ALKBH8: variants seen among roughly 807,000 people sequenced by gnomAD.
ALKBH8 encodes the protein alkB homolog 8, tRNA methyltransferase, also known as tRNA (carboxymethyluridine(34)-5-O)-methyltransferase ALKBH8.
Under a neutral mutation model 59.8 loss-of-function variants are expected in ALKBH8, and 36 were observed. That is an observed-to-expected ratio of 0.60 (90% CI 0.46 to 0.79). The LOEUF (loss-of-function observed/expected upper bound fraction) is 0.79, where lower values mean the gene tolerates loss of function less well. ALKBH8 is among the 30% of genes least tolerant of loss of function. The pLI is 0.00. For synonymous variants in ALKBH8, 276 were observed against 273.6 expected, an observed-to-expected ratio of 1.01 and a Z score of -0.09; for missense variants, 768 against 801.0, an observed-to-expected ratio of 0.96 and a Z score of 0.50.
At chr11:107,505,325 C>A (rs1862338583) in intron 11 of ALKBH8, 110 bp from the exon 12 acceptor site, 5 of 766,910 alleles carry the variant, frequency 6.5e-6, no homozygotes, top group South Asian at 3.2e-5. Flanking sequence ...GAATATCTAA[C>A]AAAATATCTT....
At chr11:107,539,936 A>G (rs1863971043) in intron 7 of ALKBH8, among the ~76,000 whole-genome samples, 1 of 152,224 alleles carries the variant, frequency 6.6e-6, no homozygotes, top group Non-Finnish European at 1.5e-5. Flanking sequence ...ACAAGCCTCA[A>G]TAATCTGGTC....
At chr11:107,506,657 GA>G (rs778388525) in intron 11 of ALKBH8, among the ~76,000 whole-genome samples, 3 of 152,078 alleles carry the variant, frequency 2.0e-5, no homozygotes, top group Non-Finnish European at 4.4e-5. Flanking sequence ...AGATGAAAAA[GA>G]GGGGAAAATA....
In ALKBH8 at chr11:107,525,581, C is replaced by T. The variant is rs1461748669; in HGVS notation, c.890G>A (p.Arg297Lys). The change falls in exon 9 of 12, where the codon AGA (arginine) becomes AAA (lysine). Residue 297 changes from arginine to lysine, a missense_variant. By Grantham distance (26) the Arg-to-Lys change is conservative (BLOSUM62 2). Coordinates refer to ENST00000428149, the MANE Select transcript of ALKBH8 (RefSeq NM_138775.3). ...RYLWTHGITC[R>K]KFDTVQASES... is the part of the protein sequence containing the mutation. ...AGATGCTTGAACAGTATCAAATTTT[C>T]TGCACGTGATTCTAAAAACAATAGT... is the stretch of plus-strand genomic sequence containing the variant. 7.1e-7 allele frequency: 1 copy of T among 1,406,742 alleles called. No individual in the cohort carries two copies. The allele number at this position is 1,406,742 out of a possible 1,614,324, so 87.1% of individuals were successfully genotyped here. A position where few individuals can be genotyped will look rare whatever the true frequency, so the allele number is the denominator to read the frequency against.
At chr11:107,564,525 G>A (rs1176750894) in intron 1 of ALKBH8, among the ~76,000 whole-genome samples, 2 of 152,182 alleles carry the variant, frequency 1.3e-5, no homozygotes, top group Non-Finnish European at 2.9e-5. Flanking sequence ...AGAAATTGGT[G>A]ATATGGGTTG....
At chr11:107,528,835 T>C (rs1299575157) in intron 8 of ALKBH8, among the ~76,000 whole-genome samples, 4 of 152,192 alleles carry the variant, frequency 2.6e-5, no homozygotes, top group African/African-American at 9.6e-5. Flanking sequence ...AACAGTTTTA[T>C]AGATTTAAAT....
rs529661352 is a variant in ALKBH8, at chr11:107,516,473, T to C, written c.1288-5437A>G. On this transcript the variant is annotated intron_variant, in intron 10 of 11. Coordinates refer to ENST00000428149, the MANE Select transcript of ALKBH8 (RefSeq NM_138775.3). ...ATCAACTCAAAATGGATGAAAGGCT[T>C]AAATGTAAGACCTGAAATTATGAAA... 9.0e-4 allele frequency among the ~76,000 whole-genome samples: 137 copies of C among 152,320 alleles called. No homozygotes were observed. In the South Asian group the frequency reaches 0.011, roughly 12 times the overall value.
At position 107,556,874 on chromosome 11, in the gene ALKBH8, A is replaced by G. The variant is rs372859100; in HGVS notation, c.259T>C (p.Tyr87His). The change falls in exon 3 of 12, where the codon TAC becomes CAC. Residue 87 changes from tyrosine to histidine, a missense_variant. Coordinates refer to ENST00000428149, the MANE Select transcript of ALKBH8 (RefSeq NM_138775.3). The part of the protein sequence containing the change: ...PPNKPYSFAR[Y>H]RTTEESKRAY... ...CTCTTAGATTCTTCTGTAGTTCTGT[A>G]TCTTGCAAATGAGTACGGCTTGTTA... The G allele has an allele frequency of 2.9e-5, 46 of 1,609,186 alleles. No homozygotes were observed. Among genetic ancestry groups the G allele is most frequent in the Non-Finnish European group, 3.6e-5 (42 of 1,177,712 alleles).
At chr11:107,537,828 A>C (rs992461971) in intron 7 of ALKBH8, among the ~76,000 whole-genome samples, 2 of 152,218 alleles carry the variant, frequency 1.3e-5, no homozygotes, top group Non-Finnish European at 2.9e-5. Context: ...CATGCCAATA[A>C]ATCAAAATTT....
At position 107,523,401 on chromosome 11, in the gene ALKBH8, A is replaced by G. The variant is rs552183298; in HGVS notation, c.1031-846T>C. On this transcript the variant is annotated intron_variant, in intron 9 of 11. Transcript: ENST00000428149. ...CTCACTCATATATGGAATCTAAAAA[A>G]AAGCTGATCTCACAGAATAGAGAGT... 2.0e-4 allele frequency among the ~76,000 whole-genome samples: 30 copies of G among 152,262 alleles called. No individual in the cohort carries two copies. In the South Asian group the frequency reaches 2.5e-3, roughly 13 times the overall value.
intron 7 of ALKBH8, among the ~76,000 whole-genome samples, chr11:107,536,482 A>T (rs1205269891): frequency 6.6e-6 from 1 of 152,232 alleles, no homozygotes; most frequent in Non-Finnish European, 1.5e-5. Context: ...GCAATAAGCC[A>T]AAAATGAAAG....
In ALKBH8 at chr11:107,547,967, C is replaced by A. The variant is rs145393802; in HGVS notation, c.771+1786G>T. Among the ~76,000 whole-genome samples the A allele has an allele frequency of 2.3e-3, 350 of 152,220 alleles. 1 individual carries two copies. The highest frequency in any genetic ancestry group is 3.9e-3 in the Non-Finnish European group (266 of 68,026). ...AAACCTGTGCAATGATCTTCTAGGGCGCTGGGGGGGATATTGAGTCCTCAT... is the reference window on the plus strand; with the variant it reads ...AAACCTGTGCAATGATCTTCTAGGGAGCTGGGGGGGATATTGAGTCCTCAT... On this transcript the variant is annotated intron_variant, in intron 7 of 11. Coordinates refer to ENST00000428149, the MANE Select transcript of ALKBH8 (RefSeq NM_138775.3).
intron 1 of ALKBH8, among the ~76,000 whole-genome samples, chr11:107,562,042 C>T (rs1476863607): frequency 6.6e-6 from 1 of 152,092 alleles, no homozygotes; most frequent in Non-Finnish European, 1.5e-5. Context: ...CAGTGACTCA[C>T]ACCTGTAATC....
rs776115317 is a variant in ALKBH8 at position 107,557,006 on chromosome 11, T to C, written c.130-3A>G. On this transcript the variant is annotated splice_region_variant and splice_polypyrimidine_tract_variant and intron_variant, in intron 2 of 11. Coordinates refer to ENST00000428149, the MANE Select transcript of ALKBH8 (RefSeq NM_138775.3). ...CCACCATTGGCAACAACCAGGCTCT[T>C]AAAAAACAAACAAACAAACAAAAAG... 6.5e-7 allele frequency: 1 copy of C among 1,542,188 alleles called. No individual in the cohort carries two copies. The highest frequency in any genetic ancestry group is 8.7e-7 in the Non-Finnish European group (1 of 1,145,476).
At chr11:107,565,502 G>A (rs1865096027) in intron 1 of ALKBH8, 99 bp downstream of exon 1, 1 of 1,512,006 alleles carries the variant, frequency 6.6e-7, no homozygotes, top group East Asian at 2.5e-5. Context: ...TAGGTTCTCA[G>A]CCCTAGCTGG....
chr11:107,543,807 T>C (rs1372639948), intron 7 of ALKBH8, among the ~76,000 whole-genome samples: 3 of 152,146 alleles, frequency 2.0e-5, no homozygotes, highest in Admixed American at 6.5e-5. Flanking sequence ...AATTTGATTA[T>C]AAAATATTGG....
intron 8 of ALKBH8, among the ~76,000 whole-genome samples, chr11:107,527,995 G>T (rs1863423851): frequency 6.6e-6 from 1 of 151,968 alleles, no homozygotes; most frequent in East Asian, 1.9e-4. Flanking sequence ...TTCCCTTCTT[G>T]TCCTAGTTTG....
Position 107,522,290 on chromosome 11 carries a change from A to G in ALKBH8, c.1287+9T>C, listed in dbSNP as rs2135500241. ...AAGCAAAAAGAAAGTCAAAAGCAACATTACTTGCCATATATAACTCCTTAT... is the reference window on the plus strand; with the variant it reads ...AAGCAAAAAGAAAGTCAAAAGCAACGTTACTTGCCATATATAACTCCTTAT... On this transcript the variant is annotated intron_variant, in intron 10 of 11. Transcript: ENST00000428149. 1 of 1,550,840 alleles carries G rather than the reference A, an allele frequency of 6.4e-7. No individual in the cohort carries two copies. Among genetic ancestry groups the G allele is most frequent in the Middle Eastern group, 1.7e-4 (1 of 5,976 alleles).
chr11:107,525,401 C>T (rs1382858336), intron 9 of ALKBH8, 40 bp downstream of exon 9: 23 of 1,493,822 alleles, frequency 1.5e-5, no homozygotes, highest in Non-Finnish European at 2.0e-5. Flanking sequence ...TTATATTAAA[C>T]TGACTCCATT....
In ALKBH8 at chr11:107,549,815, C is replaced by CG. The variant is rs1565343310; in HGVS notation, c.708dup (p.Ala237ArgfsTer4). 6.5e-7 allele frequency: 1 copy of CG among 1,547,506 alleles called. No homozygotes were observed. The highest frequency in any genetic ancestry group is 2.0e-5 in the Admixed American group (1 of 50,826). ...AAAGCGGAATGTGTATCAATATGAG[C>CG]GGGAATTCCTGAGATGGAAAACAGG... On this transcript the variant is annotated frameshift_variant, in exon 7 of 12. Transcript: ENST00000428149. LOFTEE classifies it high-confidence loss of function.
Sources: gnomAD v4.1 joint callset for allele counts (sites outside exome capture counted in the v4.1 genomes callset) on GRCh38, gnomAD v4.1.1 for gene constraint, MANE v1.5 for transcripts, NCBI Gene and HGNC (gene_info 2026-07-23, HGNC 2026-07-21) for gene names.